The following AMBN variants were observed in gnomAD, a reference collection of about 807,000 sequenced individuals.
The protein encoded by AMBN is enamel matrix protein.
AMBN carries 54 observed loss-of-function variants against 48.0 expected under a neutral mutation model. That is an observed-to-expected ratio of 1.12 (90% CI 0.90 to 1.41). AMBN has a LOEUF of 1.41. AMBN is among the 40% of genes most tolerant of loss of function. The pLI is 0.00. For missense variants in AMBN, 571 were observed against 547.3 expected, an observed-to-expected ratio of 1.04 and a Z score of -0.43; for synonymous variants, 186 against 190.0, an observed-to-expected ratio of 0.98 and a Z score of 0.17.
At chr4:70,595,210 T>TTA (rs1553884167) in intron 2 of AMBN, among the ~76,000 whole-genome samples, 2 of 150,066 alleles carry the variant, frequency 1.3e-5, no homozygotes, top group African/African-American at 2.5e-5. Context: ...TTTTTTTTTT[T>TTA]ACAGTCTGGC....
chr4:70,600,929 C>G (rs562186691), intron 5 of AMBN, among the ~76,000 whole-genome samples: 42 of 152,226 alleles, frequency 2.8e-4, no homozygotes, highest in African/African-American at 8.4e-4. Flanking sequence ...AATTAATTAC[C>G]CTTTATCCTT....
Position 70,601,428 on chromosome 4 carries a change from C to A in AMBN, c.305C>A (p.Ser102Tyr), listed in dbSNP as rs145745749. Residue 102 changes from serine to tyrosine, a missense_variant, in exon 6 of 13, where the codon TCT (serine) becomes TAT (tyrosine). Ser to Tyr is a moderately radical substitution (Grantham distance 144). Transcript: ENST00000322937. ...CAAATTTCTCTGCAGTATGAATATT[C>A]TTTGCCTGTGCATCCCCCACCTCTC... ...REHETQQYEY[S>Y]LPVHPPPLPS... 1,174 of 1,613,986 alleles carry A rather than the reference C, an allele frequency of 7.3e-4. 9 individuals are homozygous for A. In the African/African-American group the frequency reaches 0.013, roughly 18 times the overall value.
At chr4:70,597,994 T>A (rs1324474743) in intron 3 of AMBN, among the ~76,000 whole-genome samples, 2 of 152,168 alleles carry the variant, frequency 1.3e-5, no homozygotes, top group African/African-American at 2.4e-5. Context: ...TGGCTGAACT[T>A]GTAAAGGGCA....
intron 4 of AMBN, 52 bp from the exon 5 acceptor site, chr4:70,599,484 G>A: frequency 4.6e-6 from 6 of 1,306,854 alleles, no homozygotes; most frequent in Non-Finnish European, 6.4e-6. Context: ...TATAACCAAT[G>A]TTATATTTAA....
rs1211274114 is a variant in AMBN at position 70,603,179 on chromosome 4, ATG to A, written c.649-77_649-76del. 4 of 1,428,524 alleles carry A rather than the reference ATG, an allele frequency of 2.8e-6. No homozygotes were observed. In the East Asian group the frequency reaches 9.3e-5, roughly 33 times the overall value. 88.5% of individuals were successfully genotyped at this position (1,428,524 alleles called of 1,614,324 possible). On this transcript the variant is annotated intron_variant, in intron 9 of 12. Coordinates refer to ENST00000322937, the MANE Select transcript of AMBN (RefSeq NM_016519.6). ...ATTTTCTATACTAATCCATCTGAAA[ATG>A]TGTTTCATATACCTCAAAAATTACT...
chr4:70,595,190 C>CT (rs367866356), intron 2 of AMBN, among the ~76,000 whole-genome samples: 80,907 of 118,978 alleles, frequency 0.68, 28,342 homozygotes, highest in African/African-American at 0.76. Flanking sequence ...TCCCTCTATT[C>CT]TTTTTTTTTT....
At position 70,595,741 on chromosome 4, in the gene AMBN, C is replaced by T. The variant is rs1362019929; in HGVS notation, c.85-1258C>T. ...GTGAGAATATCCAAAGAACCAGAGA[C>T]TCTCAAAATCCAATTTACTCTAATT... On this transcript the variant is annotated intron_variant, in intron 2 of 12. Transcript: ENST00000322937. 2.6e-5 allele frequency among the ~76,000 whole-genome samples: 4 copies of T among 152,134 alleles called. No individual in the cohort carries two copies. The East Asian group carries it at 7.7e-4, about 29-fold the overall frequency.
chr4:70,601,854 CAG>C, intron 6 of AMBN, 200 bp downstream of exon 6: 2 of 689,624 alleles, frequency 2.9e-6, no homozygotes, highest in Middle Eastern at 2.4e-4. Context: ...CCATCAGAGA[CAG>C]GGCATGGATT....
In AMBN at chr4:70,606,507, G is replaced by T; in HGVS notation, c.1121G>T (p.Gly374Val). The T allele has an allele frequency of 1.9e-6, 3 of 1,614,062 alleles. No homozygotes were observed. Among genetic ancestry groups the T allele is most frequent in the Non-Finnish European group, 2.5e-6 (3 of 1,179,996 alleles). Residue 374 changes from glycine (G) to valine (V), a missense_variant, in exon 13 of 13, where the codon GGA becomes GTA. Physicochemically the swap from Gly to Val is moderately radical, Grantham distance 109. Coordinates refer to ENST00000322937, the MANE Select transcript of AMBN (RefSeq NM_016519.6). ...LPRSPSGKMK[G>V]LPSVTPAAAD... is the part of the protein sequence containing the mutation. Reference sequence around the variant, plus strand: ...AGGAGCCCTTCAGGGAAGATGAAGGGACTCCCCAGCGTCACCCCAGCAGCT... The same window carrying T: ...AGGAGCCCTTCAGGGAAGATGAAGGTACTCCCCAGCGTCACCCCAGCAGCT...
intron 12 of AMBN, among the ~76,000 whole-genome samples, chr4:70,605,501 T>C (rs1737619309): frequency 6.6e-6 from 1 of 152,206 alleles, no homozygotes; most frequent in Non-Finnish European, 1.5e-5. Context: ...TTGGACCCCA[T>C]ATTTCTGGCA....
rs150547868 is a variant in AMBN, at chr4:70,594,730, G to A, written c.84+1335G>A. ...TAGCTTACCTTTATATGATACTGAC[G>A]TTGGGATGAGCCTCAGTCATTCACT... On this transcript the variant is annotated intron_variant, in intron 2 of 12. Transcript: ENST00000322937. 4.8e-4 allele frequency among the ~76,000 whole-genome samples: 73 copies of A among 152,242 alleles called. 1 individual carries two copies. The East Asian group carries it at 0.014, about 28-fold the overall frequency.
chr4:70,606,539 C>T lies in AMBN; in HGVS notation c.1153C>T (p.Pro385Ser). ...LPSVTPAAAD[P>S]LMTPELADVY... Reference sequence around the variant, plus strand: ...CAGCGTCACCCCAGCAGCTGCTGACCCACTGATGACCCCTGAATTAGCTGA... The same window carrying T: ...CAGCGTCACCCCAGCAGCTGCTGACTCACTGATGACCCCTGAATTAGCTGA... Residue 385 changes from proline to serine, a missense_variant, in exon 13 of 13, where the codon CCA (proline) becomes TCA (serine). Transcript: ENST00000322937. 3 of 1,614,112 alleles carry T rather than the reference C, an allele frequency of 1.9e-6. No homozygotes were observed. The South Asian group carries it at 3.3e-5, about 18-fold the overall frequency.
intron 5 of AMBN, 135 bp downstream of exon 5, chr4:70,599,781 C>A (rs1033604142): frequency 1.8e-6 from 1 of 543,782 alleles, no homozygotes; most frequent in Non-Finnish European, 3.1e-6. Flanking sequence ...CCAAATAAAT[C>A]GAAGCCTATA....
chr4:70,595,026 C>G (rs1333553091), intron 2 of AMBN, among the ~76,000 whole-genome samples: 1 of 152,014 alleles, frequency 6.6e-6, no homozygotes, highest in African/African-American at 2.4e-5. Flanking sequence ...TATGCACTGG[C>G]AAATAGTGGG....
chr4:70,602,789 A>G lies in AMBN; in HGVS notation c.571-9A>G. 2 of 1,574,408 alleles carry G rather than the reference A, an allele frequency of 1.3e-6. No homozygotes were observed. Among genetic ancestry groups the G allele is most frequent in the Non-Finnish European group, 1.7e-6 (2 of 1,157,526 alleles). On this transcript the variant is annotated splice_polypyrimidine_tract_variant and intron_variant, in intron 7 of 12. Coordinates refer to ENST00000322937, the MANE Select transcript of AMBN (RefSeq NM_016519.6). ...TTACTGATAATTTTAATATTTATCT[A>G]CAATATAGCTCCCAGGAATGGATTT...
intron 8 of AMBN, 59 bp from the exon 9 acceptor site, chr4:70,602,913 G>A: frequency 6.6e-7 from 1 of 1,521,074 alleles, no homozygotes; most frequent in South Asian, 1.2e-5. Flanking sequence ...TCTTTTATTT[G>A]CATTTATCTA....
At chr4:70,597,306 T>G (rs980613732) in intron 3 of AMBN, among the ~76,000 whole-genome samples, 1 of 152,180 alleles carries the variant, frequency 6.6e-6, no homozygotes, top group Non-Finnish European at 1.5e-5. Context: ...ATGCCTTATA[T>G]ATAATATGCA....
chr4:70,603,102 C>G (rs1164270947), intron 9 of AMBN, 92 bp downstream of exon 9: 6 of 1,440,066 alleles, frequency 4.2e-6, no homozygotes, highest in Non-Finnish European at 3.8e-6. Flanking sequence ...CCCATTTATC[C>G]ATGAATATGA....
chr4:70,601,844 C>T (rs949573272), intron 6 of AMBN, 190 bp downstream of exon 6: 4 of 701,104 alleles, frequency 5.7e-6, no homozygotes, highest in African/African-American at 5.3e-5. Flanking sequence ...CTATCTTTTG[C>T]CATCAGAGAC....
Sources: gnomAD v4.1 joint callset for allele counts (sites outside exome capture counted in the v4.1 genomes callset) on GRCh38, gnomAD v4.1.1 for gene constraint, MANE v1.5 for transcripts, NCBI Gene and HGNC (gene_info 2026-07-23, HGNC 2026-07-21) for gene names.